The following ST6GALNAC5 variants were observed in gnomAD, a reference collection of about 807,000 sequenced individuals.
ST6GALNAC5 encodes alpha-N-acetylgalactosaminide alpha-2,6-sialyltransferase 5.
In ST6GALNAC5, 27 loss-of-function variants were observed where a neutral mutation model predicts 33.6. The observed-to-expected ratio is 0.80, with a 90% CI of 0.59 to 1.11. The LOEUF (loss-of-function observed/expected upper bound fraction) is 1.11, where lower values mean the gene tolerates loss of function less well. ST6GALNAC5 is among the 50% of genes least tolerant of loss of function. The pLI, the probability that ST6GALNAC5 is intolerant of heterozygous loss-of-function variation, is 0.00. For missense variants in ST6GALNAC5, 428 were observed against 454.0 expected (o/e 0.94, Z 0.52); for synonymous variants, 194 against 171.2 (o/e 1.13, Z -1.04).
intron 2 of ST6GALNAC5, among the ~76,000 whole-genome samples, chr1:76,897,523 A>T (rs188268219): frequency 6.6e-6 from 1 of 152,072 alleles, no homozygotes; most frequent in Admixed American, 6.6e-5. Flanking sequence ...TATTGGCATT[A>T]ATCGGGGTAA....
intron 2 of ST6GALNAC5, among the ~76,000 whole-genome samples, chr1:77,011,222 ACTG>A (rs944370511): frequency 1.3e-5 from 2 of 152,162 alleles, no homozygotes; most frequent in Admixed American, 6.5e-5. Flanking sequence ...CGTGAGAAAC[ACTG>A]CCTCCCCAAG....
chr1:76,872,022 G>T (rs1372985872), intron 2 of ST6GALNAC5, among the ~76,000 whole-genome samples: 1 of 150,722 alleles, frequency 6.6e-6, no homozygotes, highest in Non-Finnish European at 1.5e-5. Context: ...TCATGGCTTT[G>T]GGAACCTTCT....
In ST6GALNAC5 at chr1:77,064,476, A is replaced by G. The variant is rs1652709900; in HGVS notation, c.*1270A>G. On this transcript the variant is annotated 3_prime_UTR_variant, in exon 5 of 5. Transcript: ENST00000477717. ...CAAGGGGTTCCCTGGCTACAATAGC[A>G]AACAGCTGCCCTTCTGTGAGGAAAA... 6.6e-6 allele frequency: 1 copy of G among 152,190 alleles called. No individual in the cohort carries two copies. The highest frequency in any genetic ancestry group is 6.6e-5 in the Admixed American group (1 of 15,264). 9.4% of individuals were successfully genotyped at this position (152,190 alleles called of 1,614,324 possible). A position where few individuals can be genotyped will look rare whatever the true frequency, so the allele number is the denominator to read the frequency against.
chr1:77,017,291 G>A (rs564041900), intron 2 of ST6GALNAC5, among the ~76,000 whole-genome samples: 4 of 152,230 alleles, frequency 2.6e-5, no homozygotes, highest in Admixed American at 6.5e-5. Flanking sequence ...GTAGAACAGG[G>A]GATGTTTCCA....
At chr1:76,888,657 C>G (rs1245359504) in intron 2 of ST6GALNAC5, among the ~76,000 whole-genome samples, 1 of 151,538 alleles carries the variant, frequency 6.6e-6, no homozygotes, top group Non-Finnish European at 1.5e-5. Context: ...ATTTTTTCCC[C>G]TTCTTCTTAT....
intron 2 of ST6GALNAC5, among the ~76,000 whole-genome samples, chr1:76,936,868 G>A (rs1401786643): frequency 1.3e-5 from 2 of 151,008 alleles, no homozygotes; most frequent in East Asian, 2.0e-4. Context: ...AGAGGATGTG[G>A]GTTTTCACTT....
chr1:76,972,405 A>G (rs1027954248), intron 2 of ST6GALNAC5, among the ~76,000 whole-genome samples: 3 of 152,180 alleles, frequency 2.0e-5, no homozygotes, highest in African/African-American at 4.8e-5. Context: ...CATTTCAAAT[A>G]TGTTACTACT....
chr1:77,024,496 C>T (rs1651162480), intron 2 of ST6GALNAC5, among the ~76,000 whole-genome samples: 4 of 152,224 alleles, frequency 2.6e-5, no homozygotes, highest in Admixed American at 2.6e-4. Flanking sequence ...GACAGCATCT[C>T]CCAGGGGCTC....
At chr1:76,911,415 G>T (rs1174763943) in intron 2 of ST6GALNAC5, among the ~76,000 whole-genome samples, 1 of 152,004 alleles carries the variant, frequency 6.6e-6, no homozygotes, top group African/African-American at 2.4e-5. Flanking sequence ...TTTTTTGGTT[G>T]TGTCTCTGCC....
Position 77,066,162 on chromosome 1 carries a change from G to T in ST6GALNAC5, c.*2956G>T, listed in dbSNP as rs1557781513. On this transcript the variant is annotated 3_prime_UTR_variant, in exon 5 of 5. Coordinates refer to ENST00000477717, the MANE Select transcript of ST6GALNAC5 (RefSeq NM_030965.3). ...TTTGGCAACTAAGTCCCTGTGCTTTGCTAACCCTGGTGTGTACTCCTAAGG... is the reference window on the plus strand; with the variant it reads ...TTTGGCAACTAAGTCCCTGTGCTTTTCTAACCCTGGTGTGTACTCCTAAGG... Among the ~76,000 whole-genome samples the T allele has an allele frequency of 6.6e-6, 1 of 152,046 alleles. No homozygotes were observed.
chr1:77,051,505 C>G (rs1302268166), intron 4 of ST6GALNAC5, among the ~76,000 whole-genome samples: 1 of 152,162 alleles, frequency 6.6e-6, no homozygotes, highest in African/African-American at 2.4e-5. Flanking sequence ...CACTTAGTGT[C>G]TCTAGGTCTC....
chr1:76,931,396 T>G (rs1056841431), intron 2 of ST6GALNAC5, among the ~76,000 whole-genome samples: 1 of 152,168 alleles, frequency 6.6e-6, no homozygotes, highest in South Asian at 2.1e-4. Context: ...GTGGTATTAT[T>G]GTTATTCATC....
At chr1:76,941,367 A>C (rs1372719096) in intron 2 of ST6GALNAC5, among the ~76,000 whole-genome samples, 1 of 151,934 alleles carries the variant, frequency 6.6e-6, no homozygotes, top group Non-Finnish European at 1.5e-5. Context: ...TTCATCATTG[A>C]TTGTTTTTGT....
rs368485041 is a variant in ST6GALNAC5, at chr1:76,951,566, G to A, written c.261+82824G>A. Among the ~76,000 whole-genome samples, 374 of 152,060 alleles carry A rather than the reference G, an allele frequency of 2.5e-3. 3 individuals are homozygous for A. The highest frequency in any genetic ancestry group is 8.4e-3 in the African/African-American group (348 of 41,492). ...AGGTTGTTGGGTGCAGCAAACCACCGTGGCACGTGTATACCTATGTAACAA... is the reference window on the plus strand; with the variant it reads ...AGGTTGTTGGGTGCAGCAAACCACCATGGCACGTGTATACCTATGTAACAA... On this transcript the variant is annotated intron_variant, in intron 2 of 4. Coordinates refer to ENST00000477717, the MANE Select transcript of ST6GALNAC5 (RefSeq NM_030965.3).
intron 2 of ST6GALNAC5, among the ~76,000 whole-genome samples, chr1:76,973,636 G>A (rs1189923248): frequency 6.6e-6 from 1 of 151,880 alleles, no homozygotes; most frequent in Non-Finnish European, 1.5e-5. Flanking sequence ...ACCCTTTATG[G>A]CTTCTGAATT....
At chr1:76,925,099 G>A (rs1283585967) in intron 2 of ST6GALNAC5, among the ~76,000 whole-genome samples, 1 of 152,014 alleles carries the variant, frequency 6.6e-6, no homozygotes, top group Non-Finnish European at 1.5e-5. Flanking sequence ...AGAAGCAAGA[G>A]TGAGGGAGGG....
chr1:77,035,026 T>C (rs1557769110), intron 2 of ST6GALNAC5, among the ~76,000 whole-genome samples: 1 of 152,170 alleles, frequency 6.6e-6, no homozygotes, highest in African/African-American at 2.4e-5. Context: ...GCCCAGTGGT[T>C]CTTAACCTTG....
chr1:76,867,897 G>A (rs1447876787), intron 1 of ST6GALNAC5, among the ~76,000 whole-genome samples: 1 of 152,128 alleles, frequency 6.6e-6, no homozygotes, highest in African/African-American at 2.4e-5. Flanking sequence ...TGGGAACTCG[G>A]GGTTGCCTCG....
intron 2 of ST6GALNAC5, among the ~76,000 whole-genome samples, chr1:76,989,977 T>G (rs1649660333): frequency 6.6e-6 from 1 of 152,180 alleles, no homozygotes; most frequent in Admixed American, 6.5e-5. Context: ...TTTCCCAAAT[T>G]CTTCCCAGAA....
Sources: gnomAD v4.1 joint callset for allele counts (sites outside exome capture counted in the v4.1 genomes callset) on GRCh38, gnomAD v4.1.1 for gene constraint, MANE v1.5 for transcripts, NCBI Gene and HGNC (gene_info 2026-07-23, HGNC 2026-07-21) for gene names.